The following ANO2 variants were observed in gnomAD, a reference collection of about 807,000 sequenced individuals.
ANO2 encodes anoctamin-2.
A neutral mutation model predicts 124.2 loss-of-function variants in ANO2; 101 were observed. The observed-to-expected ratio is 0.81, with a 90% confidence interval of 0.69 to 0.96. ANO2 has a LOEUF of 0.96. Among genes scored for constraint, ANO2 ranks in the 40% least tolerant of loss-of-function variants. The pLI is 0.00. For synonymous variants in ANO2, 486 were observed against 482.5 expected (o/e 1.01, Z -0.09); for missense variants, 1,293 against 1,274.5 (o/e 1.01, Z -0.22).
chr12:5,665,651 C>T (rs1388164766), intron 14 of ANO2, among the ~76,000 whole-genome samples: 1 of 152,110 alleles, frequency 6.6e-6, no homozygotes, highest in Non-Finnish European at 1.5e-5. Flanking sequence ...CCTGAGCGAG[C>T]CTCTCCACTC....
intron 13 of ANO2, among the ~76,000 whole-genome samples, chr12:5,738,847 C>T (rs1950978809): frequency 6.6e-6 from 1 of 152,218 alleles, no homozygotes; most frequent in Admixed American, 6.5e-5. Flanking sequence ...CTCAGTTTCA[C>T]ACATAGTGCA....
intron 8 of ANO2, among the ~76,000 whole-genome samples, chr12:5,806,811 A>G (rs780785007): frequency 6.6e-6 from 1 of 152,242 alleles, no homozygotes; most frequent in African/African-American, 2.4e-5. Flanking sequence ...TTTTAAAATA[A>G]TGATCTTTCG....
Position 5,677,568 on chromosome 12 carries a change from A to G in ANO2, c.1546-29767T>C, listed in dbSNP as rs145065665. Among the ~76,000 whole-genome samples, 300 of 152,226 alleles carry G rather than the reference A, an allele frequency of 2.0e-3. 1 individual carries two copies. The highest frequency in any genetic ancestry group is 6.8e-3 in the African/African-American group (284 of 41,518). On this transcript the variant is annotated intron_variant, in intron 14 of 24. Transcript: ENST00000682330. The stretch of plus-strand genomic sequence containing the variant: ...CTCTGATGAGTTGGGAAACTTCTCT[A>G]TGCTGTTCTCCACTCTGAGGAGCAG...
At chr12:5,914,236 T>C (rs1406918090) in intron 3 of ANO2, among the ~76,000 whole-genome samples, 1 of 151,518 alleles carries the variant, frequency 6.6e-6, no homozygotes, top group Non-Finnish European at 1.5e-5. Flanking sequence ...TGAGGCGACA[T>C]TCTGATTTTC....
chr12:5,641,409 CT>C (rs1004079569), intron 15 of ANO2, among the ~76,000 whole-genome samples: 7 of 142,592 alleles, frequency 4.9e-5, no homozygotes, highest in Admixed American at 2.1e-4. Flanking sequence ...GAAAACTGGG[CT>C]TTTTTTTAAG....
rs561869973 is a variant in ANO2, at chr12:5,919,842, C to T, written c.534+1198G>A. On this transcript the variant is annotated intron_variant, in intron 3 of 24. Coordinates refer to ENST00000682330, the MANE Select transcript of ANO2 (RefSeq NM_001364791.2). ...CCTCCCGAGTAGCTGGGACTACAGG[C>T]GCCCAACACCAGGCCCAGCTAATTT... is the stretch of plus-strand genomic sequence containing the variant. 4.6e-5 allele frequency among the ~76,000 whole-genome samples: 7 copies of T among 152,234 alleles called. No individual in the cohort carries two copies. The East Asian group carries it at 7.7e-4, about 17-fold the overall frequency.
chr12:5,831,136 G>A (rs1445290296), intron 5 of ANO2, among the ~76,000 whole-genome samples: 1 of 152,226 alleles, frequency 6.6e-6, no homozygotes, highest in East Asian at 1.9e-4. Flanking sequence ...TGAGGAAGCT[G>A]TGCTAGAGGA....
intron 3 of ANO2, among the ~76,000 whole-genome samples, chr12:5,871,618 C>T (rs1047401465): frequency 2.0e-5 from 3 of 152,106 alleles, no homozygotes; most frequent in African/African-American, 7.2e-5. Flanking sequence ...TTGCATGCTC[C>T]TTATGAGAAT....
chr12:5,790,388 T>C (rs896146457), intron 10 of ANO2, among the ~76,000 whole-genome samples: 7 of 152,150 alleles, frequency 4.6e-5, no homozygotes, highest in African/African-American at 1.7e-4. Context: ...CCCACCATCA[T>C]GTCCCTTGTC....
At chr12:5,825,858 T>C (rs139036961) in intron 7 of ANO2, among the ~76,000 whole-genome samples, 2 of 152,160 alleles carry the variant, frequency 1.3e-5, no homozygotes, top group Admixed American at 6.5e-5. Context: ...CAGGAATGGT[T>C]TGGGTCACTC....
At chr12:5,856,996 T>A (rs1264213370) in intron 3 of ANO2, among the ~76,000 whole-genome samples, 4 of 152,204 alleles carry the variant, frequency 2.6e-5, no homozygotes, top group African/African-American at 9.7e-5. Context: ...CTGTGCAATA[T>A]TGTTACCTTC....
rs995591658 is a variant in ANO2 at position 5,925,907 on chromosome 12, C to T, written c.23-3103G>A. On this transcript the variant is annotated intron_variant, in intron 1 of 24. Coordinates refer to ENST00000682330, the MANE Select transcript of ANO2 (RefSeq NM_001364791.2). This position sits in a 1 kb window ranked among gnomAD's most constrained non-coding sequence, Gnocchi z 4.6. ...TGGGCACTCTCATCCACTCCAGAGA[C>T]CTTCATTGTCACCTATTGCTGACGA... 1.3e-5 allele frequency among the ~76,000 whole-genome samples: 2 copies of T among 152,208 alleles called. No homozygotes were observed. The highest frequency in any genetic ancestry group is 2.9e-5 in the Non-Finnish European group (2 of 68,038).
At chr12:5,820,573 G>A (rs138380347) in intron 7 of ANO2, among the ~76,000 whole-genome samples, 1,706 of 152,332 alleles carry the variant, frequency 0.011, 35 homozygotes, top group African/African-American at 0.038. Context: ...TAGGGTGAGA[G>A]CTACTATGGT....
intron 4 of ANO2, among the ~76,000 whole-genome samples, chr12:5,837,596 G>A (rs955352205): frequency 6.6e-6 from 1 of 150,636 alleles, no homozygotes; most frequent in Non-Finnish European, 1.5e-5. Flanking sequence ...TTGTTCTTGC[G>A]ATAGTTTACT....
chr12:5,868,787 G>A (rs2137277702), intron 3 of ANO2, among the ~76,000 whole-genome samples: 1 of 152,306 alleles, frequency 6.6e-6, no homozygotes, highest in Middle Eastern at 3.4e-3. Flanking sequence ...TGAGACCGCA[G>A]GTCTGGAAGA....
At chr12:5,604,907 CTT>C (rs11373701) in intron 19 of ANO2, among the ~76,000 whole-genome samples, 2 of 146,648 alleles carry the variant, frequency 1.4e-5, no homozygotes, top group Admixed American at 6.8e-5. Context: ...CCTTGCTTTT[CTT>C]TTTTTTTTTT....
chr12:5,668,573 C>T lies in ANO2; in HGVS notation c.1546-20772G>A, dbSNP rs560957710. Among the ~76,000 whole-genome samples the T allele has an allele frequency of 6.6e-5, 10 of 152,180 alleles. No individual in the cohort carries two copies. The South Asian group carries it at 8.3e-4, about 13-fold the overall frequency. ...TAATTAGATCTTGTTTGTCAATTTT[C>T]GCTTTTGTTGAAATTGCTGTTAGCA... is the stretch of plus-strand genomic sequence containing the variant. On this transcript the variant is annotated intron_variant, in intron 14 of 24. Coordinates refer to ENST00000682330, the MANE Select transcript of ANO2 (RefSeq NM_001364791.2).
Position 5,647,814 on chromosome 12 carries a change from G to A in ANO2, c.1546-13C>T, listed in dbSNP as rs12825437. 0.11 allele frequency: 182,428 copies of A among 1,598,972 alleles called. 11,280 individuals are homozygous for A. The highest frequency in any genetic ancestry group is 0.18 in the African/African-American group (13,315 of 74,756). On this transcript the variant is annotated splice_polypyrimidine_tract_variant and intron_variant, in intron 14 of 24. Transcript: ENST00000682330. ...TATCTTCATCATCCTGGGGAGAAAC[G>A]GGAGAGTAGAGACAATCAGGAGGCA... is the stretch of plus-strand genomic sequence containing the variant.
intron 4 of ANO2, among the ~76,000 whole-genome samples, chr12:5,841,178 C>A (rs979748425): frequency 6.6e-6 from 1 of 152,224 alleles, no homozygotes; most frequent in Non-Finnish European, 1.5e-5. Context: ...TGCACATTCA[C>A]GCATGCAAGA....
Sources: allele counts gnomAD v4.1 joint callset (sites outside exome capture counted in the v4.1 genomes callset), GRCh38; gene constraint gnomAD v4.1.1; non-coding constraint Gnocchi (gnomAD v3.1); transcripts MANE v1.5; gene names NCBI Gene and HGNC (gene_info 2026-07-23, HGNC 2026-07-21).